The following HSD17B12 variants were observed in gnomAD, a reference collection of about 807,000 sequenced individuals.
The protein encoded by HSD17B12 is hydroxysteroid 17-beta dehydrogenase 12, also known as very-long-chain 3-oxoacyl-CoA reductase.
In HSD17B12, 32 loss-of-function variants were observed where a neutral mutation model predicts 39.3. The observed-to-expected ratio is 0.81, with a 90% CI of 0.61 to 1.09. The LOEUF is 1.09. Among genes scored for constraint, HSD17B12 ranks in the 50% least tolerant of loss-of-function variants. HSD17B12 has a pLI of 0.00. For synonymous variants in HSD17B12, 150 were observed against 146.7 expected, an observed-to-expected ratio of 1.02 and a Z score of -0.16; for missense variants, 342 against 382.9, an observed-to-expected ratio of 0.89 and a Z score of 0.89.
the HSD17B12 span, among the ~76,000 whole-genome samples, chr11:43,672,671 G>T: frequency 6.6e-6 from 1 of 151,988 alleles, no homozygotes; most frequent in Non-Finnish European, 1.5e-5. Context: ...CCCCTGAGTA[G>T]CTGGGATTAC....
chr11:43,762,256 G>C (rs1268468648), intron 3 of HSD17B12, among the ~76,000 whole-genome samples: 2 of 152,100 alleles, frequency 1.3e-5, no homozygotes, highest in Non-Finnish European at 2.9e-5. Flanking sequence ...TTGTTCCATT[G>C]GTCAGCAGCA....
At position 43,855,025 on chromosome 11, in the gene HSD17B12, G is replaced by A; in HGVS notation, c.835-119G>A. ...ATAATTATAATGGTCGTATACCCAAGAACTTTAAAATCTACCTATAAATAA... is the reference window on the plus strand; with the variant it reads ...ATAATTATAATGGTCGTATACCCAAAAACTTTAAAATCTACCTATAAATAA... On this transcript the variant is annotated intron_variant, in intron 10 of 10. Transcript: ENST00000278353. The A allele has an allele frequency of 5.6e-6, 6 of 1,072,000 alleles. No homozygotes were observed. In the South Asian group the frequency reaches 6.6e-5, roughly 12 times the overall value. The allele number at this position is 1,072,000 out of a possible 1,614,324, so 66.4% of individuals were successfully genotyped here. A position where few individuals can be genotyped will look rare whatever the true frequency, so the allele number is the denominator to read the frequency against.
intron 1 of HSD17B12, among the ~76,000 whole-genome samples, chr11:43,690,387 TATATATATATATATA>T (rs1309176714): frequency 0.033 from 644 of 19,274 alleles, 115 homozygotes; most frequent in African/African-American, 0.11. Flanking sequence ...TATATATATA[TATATATATATATATA>T]TATTTTTTTT....
chr11:43,559,239 T>C, the HSD17B12 span, among the ~76,000 whole-genome samples: 1 of 152,050 alleles, frequency 6.6e-6, no homozygotes, highest in Non-Finnish European at 1.5e-5. Flanking sequence ...GTGGGGGAAG[T>C]GGTTACAAGA....
chr11:43,781,899 T>C (rs1950769483), intron 3 of HSD17B12, among the ~76,000 whole-genome samples: 1 of 152,248 alleles, frequency 6.6e-6, no homozygotes, highest in Non-Finnish European at 1.5e-5. Context: ...ATAATTTTAC[T>C]ATTTTAAATT....
At chr11:43,692,707 G>C (rs945492039) in intron 1 of HSD17B12, among the ~76,000 whole-genome samples, 1 of 152,178 alleles carries the variant, frequency 6.6e-6, no homozygotes, top group African/African-American at 2.4e-5. Flanking sequence ...TCTAGAGTGT[G>C]TTGACCAAAA....
chr11:43,791,676 G>A lies in HSD17B12; in HGVS notation c.284-6644G>A, dbSNP rs552489567. On this transcript the variant is annotated intron_variant, in intron 3 of 10. Transcript: ENST00000278353. ...TTATATGAAAATTTCTTCAAGAGTG[G>A]TTTGTACAAGAGTCTACAATTCCTG... is the stretch of plus-strand genomic sequence containing the variant. Among the ~76,000 whole-genome samples the A allele has an allele frequency of 5.3e-5, 8 of 152,276 alleles. No homozygotes were observed. In the South Asian group the frequency reaches 6.2e-4, roughly 12 times the overall value.
chr11:43,768,321 C>T (rs1950615654), intron 3 of HSD17B12, among the ~76,000 whole-genome samples: 1 of 152,114 alleles, frequency 6.6e-6, no homozygotes, highest in African/African-American at 2.4e-5. Context: ...TTGATATATA[C>T]AATAATTTTT....
the HSD17B12 span, among the ~76,000 whole-genome samples, chr11:43,581,123 A>G: frequency 6.6e-6 from 1 of 152,020 alleles, no homozygotes; most frequent in Non-Finnish European, 1.5e-5. This position sits in a 1 kb window ranked among gnomAD's most constrained non-coding sequence, Gnocchi z 4.9. Context: ...GGGCGACAGG[A>G]AAGGGGTGGA....
intron 2 of HSD17B12, among the ~76,000 whole-genome samples, chr11:43,751,636 A>AT: frequency 6.6e-6 from 1 of 152,256 alleles, no homozygotes; most frequent in Non-Finnish European, 1.5e-5. Context: ...GTTAATTTTA[A>AT]TTTTTCCAGC....
chr11:43,768,094 T>G (rs1950612889), intron 3 of HSD17B12, among the ~76,000 whole-genome samples: 1 of 152,220 alleles, frequency 6.6e-6, no homozygotes, highest in Non-Finnish European at 1.5e-5. Context: ...AACTGAGTTC[T>G]AATCTTTGAC....
intron 6 of HSD17B12, chr11:43,830,455 T>C (rs1296571348): frequency 6.6e-6 from 1 of 152,242 alleles, no homozygotes; most frequent in Non-Finnish European, 1.5e-5. Flanking sequence ...TAAGGATGAG[T>C]TTTACTTACA....
At chr11:43,826,083 T>TTTTTA (rs1554971062) in intron 6 of HSD17B12, among the ~76,000 whole-genome samples, 15 of 60,614 alleles carry the variant, frequency 2.5e-4, no homozygotes, top group African/African-American at 7.7e-4. Flanking sequence ...TTTTTTTTCT[T>TTTTTA]TTTTTTTTTT....
chr11:43,825,313 C>T (rs751867486), intron 6 of HSD17B12, among the ~76,000 whole-genome samples: 5 of 152,042 alleles, frequency 3.3e-5, no homozygotes, highest in Non-Finnish European at 5.9e-5. Flanking sequence ...TATGCGATGC[C>T]CTGCCCATGG....
Position 43,719,117 on chromosome 11 carries a change from G to T in HSD17B12, c.161-31794G>T, listed in dbSNP as rs377256253. On this transcript the variant is annotated intron_variant, in intron 1 of 10. Transcript: ENST00000278353. Reference sequence around the variant, plus strand: ...ACTGGCTCCTGATTACAATGCTTTGGATGTTGCCAACAAAATTGGGATCAT... The same window carrying T: ...ACTGGCTCCTGATTACAATGCTTTGTATGTTGCCAACAAAATTGGGATCAT... The T allele has an allele frequency of 5.6e-3, 4,288 of 762,050 alleles. 170 individuals carry two copies. The highest frequency in any genetic ancestry group is 0.055 in the South Asian group (4,065 of 74,520). The allele number at this position is 762,050 out of a possible 1,614,324, so 47.2% of individuals were successfully genotyped here.
chr11:43,566,033 C>CTCTG, the HSD17B12 span, among the ~76,000 whole-genome samples: 3 of 152,088 alleles, frequency 2.0e-5, no homozygotes, highest in East Asian at 5.8e-4. Context: ...AGGGGATGCT[C>CTCTG]TGTATTTCCG....
chr11:43,668,606 A>G, the HSD17B12 span, among the ~76,000 whole-genome samples: 1 of 152,216 alleles, frequency 6.6e-6, no homozygotes, highest in Non-Finnish European at 1.5e-5. Flanking sequence ...AACTTTTCTC[A>G]AACATTTGAA....
chr11:43,742,132 TA>T (rs371731197), intron 1 of HSD17B12, among the ~76,000 whole-genome samples: 22,218 of 124,766 alleles, frequency 0.18, 2,032 homozygotes, highest in Middle Eastern at 0.33. Flanking sequence ...TATATATATA[TA>T]TATATATTTT....
intron 1 of HSD17B12, among the ~76,000 whole-genome samples, chr11:43,721,489 C>T (rs565137033): frequency 8.5e-5 from 13 of 152,182 alleles, no homozygotes; most frequent in African/African-American, 2.4e-4. Flanking sequence ...CATGGTGGCA[C>T]GTGCCTGTAG....
Sources: gnomAD v4.1 joint callset for allele counts (sites outside exome capture counted in the v4.1 genomes callset) on GRCh38, gnomAD v4.1.1 for gene constraint, Gnocchi (gnomAD v3.1) non-coding constraint, MANE v1.5 for transcripts, NCBI Gene and HGNC (gene_info 2026-07-23, HGNC 2026-07-21) for gene names.